DCDC1: variants seen among roughly 807,000 people sequenced by gnomAD.
DCDC1 encodes the protein doublecortin domain containing 1.
Under a neutral mutation model 178.3 loss-of-function variants are expected in DCDC1, and 200 were observed. That is an observed-to-expected ratio of 1.12 (90% CI 1.00 to 1.26). The LOEUF is 1.26. Ranked by LOEUF, DCDC1 falls within the 50% of genes most tolerant of loss-of-function variation. The probability of loss-of-function intolerance (pLI) is 0.00; values close to 1 mark genes in which losing one functional copy is unlikely to be tolerated. For missense variants in DCDC1, 1,983 were observed against 1,749.2 expected, an observed-to-expected ratio of 1.13 and a Z score of -2.38; for synonymous variants, 690 against 604.8, an observed-to-expected ratio of 1.14 and a Z score of -2.07.
At chr11:31,238,401 T>A (rs889712656) in intron 9 of DCDC1, among the ~76,000 whole-genome samples, 1 of 152,114 alleles carries the variant, frequency 6.6e-6, no homozygotes, top group Non-Finnish European at 1.5e-5. Flanking sequence ...ACTAATATCA[T>A]TTTAAAAGGT....
In DCDC1 at chr11:30,900,336, A is replaced by G; in HGVS notation, c.4663+10T>C. On this transcript the variant is annotated intron_variant, in intron 33 of 38. Coordinates refer to ENST00000684477, the MANE Select transcript of DCDC1 (RefSeq NM_001387274.1). ...ACTTGCTTGAAAGAAAGCAAAAACA[A>G]AAAAGTTACCATTTGGAGGTAGAAA... 1 of 1,506,328 alleles carries G rather than the reference A, an allele frequency of 6.6e-7. No homozygotes were observed. Among genetic ancestry groups the G allele is most frequent in the Non-Finnish European group, 8.9e-7 (1 of 1,127,914 alleles). The allele number at this position is 1,506,328 out of a possible 1,614,324, so 93.3% of individuals were successfully genotyped here. A position where few individuals can be genotyped will look rare whatever the true frequency, so the allele number is the denominator to read the frequency against.
intron 20 of DCDC1, among the ~76,000 whole-genome samples, chr11:30,974,965 A>G (rs888764941): frequency 6.6e-6 from 1 of 152,118 alleles, no homozygotes; most frequent in African/African-American, 2.4e-5. Flanking sequence ...TAGATGTAAA[A>G]ATTTTCAACA....
At chr11:30,888,618 G>A (rs1185966731) in intron 36 of DCDC1, among the ~76,000 whole-genome samples, 1 of 152,156 alleles carries the variant, frequency 6.6e-6, no homozygotes, top group Non-Finnish European at 1.5e-5. Flanking sequence ...TCAGAAGGCT[G>A]AGGCAGGAGA....
intron 20 of DCDC1, among the ~76,000 whole-genome samples, chr11:30,969,362 A>G (rs1018815274): frequency 1.3e-5 from 2 of 152,208 alleles, no homozygotes; most frequent in South Asian, 2.1e-4. Context: ...CAAAGATTAA[A>G]GTGATGAGGC....
At chr11:31,153,286 G>T (rs183781734) in intron 9 of DCDC1, among the ~76,000 whole-genome samples, 1 of 151,856 alleles carries the variant, frequency 6.6e-6, no homozygotes, top group Non-Finnish European at 1.5e-5. Flanking sequence ...TTGCCCTTAC[G>T]CTATGTCATA....
chr11:30,910,561 A>C (rs958540082), intron 28 of DCDC1, among the ~76,000 whole-genome samples: 2 of 152,198 alleles, frequency 1.3e-5, no homozygotes, highest in Non-Finnish European at 2.9e-5. Flanking sequence ...TCTGGAGGCA[A>C]TCTATTCTGT....
At chr11:31,183,784 A>T (rs79165961) in intron 9 of DCDC1, among the ~76,000 whole-genome samples, 3,134 of 152,308 alleles carry the variant, frequency 0.021, 97 homozygotes, top group African/African-American at 0.07. Context: ...GAGCAGACAC[A>T]AACATTGGAT....
At chr11:30,957,518 C>T (rs544345221) in intron 20 of DCDC1, among the ~76,000 whole-genome samples, 1 of 152,124 alleles carries the variant, frequency 6.6e-6, no homozygotes, top group Admixed American at 6.6e-5. Context: ...ACCTGGCAGA[C>T]CCAATTGTAC....
At chr11:30,929,195 T>A (rs1340782864) in intron 22 of DCDC1, among the ~76,000 whole-genome samples, 1 of 152,134 alleles carries the variant, frequency 6.6e-6, no homozygotes, top group Non-Finnish European at 1.5e-5. Flanking sequence ...AGTGACTCCC[T>A]AGTACCTTAA....
At chr11:31,031,835 G>A (rs1953673835) in intron 20 of DCDC1, among the ~76,000 whole-genome samples, 1 of 151,682 alleles carries the variant, frequency 6.6e-6, no homozygotes, top group Admixed American at 6.6e-5. Context: ...GTAGTGTAGA[G>A]CCTGTAACTC....
chr11:31,309,563 G>A (rs1310484842), intron 3 of DCDC1, among the ~76,000 whole-genome samples: 2 of 152,082 alleles, frequency 1.3e-5, no homozygotes, highest in African/African-American at 4.8e-5. Flanking sequence ...ACAGCCAGGG[G>A]AAAGAATCAC....
At chr11:31,048,770 C>T (rs375171815) in intron 20 of DCDC1, among the ~76,000 whole-genome samples, 3 of 151,928 alleles carry the variant, frequency 2.0e-5, no homozygotes, top group Admixed American at 6.6e-5. Flanking sequence ...GGCAGGAGAA[C>T]GGCGTGAACC....
At chr11:30,889,332 C>G (rs1490019795) in intron 36 of DCDC1, among the ~76,000 whole-genome samples, 7 of 152,150 alleles carry the variant, frequency 4.6e-5, no homozygotes, top group Non-Finnish European at 2.9e-5. Context: ...GCTAAATCAT[C>G]CAGAATAGCC....
intron 8 of DCDC1, among the ~76,000 whole-genome samples, chr11:31,247,635 G>A (rs980587303): frequency 6.6e-6 from 1 of 151,826 alleles, no homozygotes; most frequent in African/African-American, 2.4e-5. Flanking sequence ...GGGGACATTT[G>A]GTAGTTTTCC....
chr11:30,926,887 AG>A (rs2134282137), intron 22 of DCDC1, among the ~76,000 whole-genome samples: 1 of 152,232 alleles, frequency 6.6e-6, no homozygotes, highest in Admixed American at 6.5e-5. Context: ...ACTTGAGGCC[AG>A]GAGTTCAAGA....
intron 18 of DCDC1, 122 bp from the exon 19 acceptor site, chr11:31,065,275 T>C (rs953312937): frequency 2.1e-6 from 1 of 479,318 alleles, no homozygotes; most frequent in Non-Finnish European, 3.7e-6. Context: ...CTAATAAACT[T>C]TGTACTTTAT....
intron 11 of DCDC1, among the ~76,000 whole-genome samples, chr11:31,119,428 G>C (rs980689386): frequency 1.3e-5 from 2 of 152,094 alleles, no homozygotes; most frequent in African/African-American, 2.4e-5. Context: ...TAATTTAGGT[G>C]ACATAACAGA....
At chr11:30,994,438 C>T (rs1951141876) in intron 20 of DCDC1, among the ~76,000 whole-genome samples, 1 of 151,226 alleles carries the variant, frequency 6.6e-6, no homozygotes, top group African/African-American at 2.4e-5. Context: ...ACTACAGGTA[C>T]CCACGACCAT....
At chr11:31,294,627 A>AGGGGAG (rs1565565976) in intron 6 of DCDC1, among the ~76,000 whole-genome samples, 9 of 1,788 alleles carry the variant, frequency 5.0e-3, no homozygotes, top group East Asian at 0.1. Flanking sequence ...AGGGGAGGGG[A>AGGGGAG]GGGAGGGAAG....
Sources: allele counts gnomAD v4.1 joint callset (sites outside exome capture counted in the v4.1 genomes callset), GRCh38; gene constraint gnomAD v4.1.1; transcripts MANE v1.5; gene names NCBI Gene and HGNC (gene_info 2026-07-23, HGNC 2026-07-21).